ARHGAP29: variants seen among roughly 807,000 people sequenced by gnomAD.
ARHGAP29 encodes the protein rho GTPase-activating protein 29.
Under a neutral mutation model 122.6 loss-of-function variants are expected in ARHGAP29, and 43 were observed. The ratio of observed to expected loss-of-function variants is 0.35; its 90% CI spans 0.27 to 0.45. The LOEUF (loss-of-function observed/expected upper bound fraction) is 0.45, where lower values mean the gene tolerates loss of function less well. Among genes scored for constraint, ARHGAP29 ranks in the 20% least tolerant of loss-of-function variants. ARHGAP29 has a pLI of 1.00. For missense variants in ARHGAP29, 1,303 were observed against 1,477.2 expected (o/e 0.88, Z 1.93); for synonymous variants, 506 against 497.1 (o/e 1.02, Z -0.24).
the ARHGAP29 span, among the ~76,000 whole-genome samples, chr1:94,289,178 G>A: frequency 7.9e-5 from 12 of 152,270 alleles, no homozygotes; most frequent in African/African-American, 2.6e-4. Flanking sequence ...GCAGTGGTTT[G>A]TAGTTCTCCT....
At chr1:94,194,178 G>C (rs1333593069) in intron 12 of ARHGAP29, 4 of 152,066 alleles carry the variant, frequency 2.6e-5, no homozygotes, top group Admixed American at 2.0e-4. Flanking sequence ...AATTGTCCTA[G>C]TACATGTTTT....
chr1:94,179,372 G>A (rs918835993), intron 20 of ARHGAP29, among the ~76,000 whole-genome samples: 2 of 152,010 alleles, frequency 1.3e-5, no homozygotes, highest in African/African-American at 4.8e-5. Context: ...GAGGTGGGCG[G>A]ATCATGAGGT....
chr1:94,250,074 A>T (rs528179763), intron 1 of ARHGAP29, among the ~76,000 whole-genome samples: 40 of 151,928 alleles, frequency 2.6e-4, no homozygotes, highest in African/African-American at 8.9e-4. Context: ...GGTCACAAAA[A>T]CCTCATGTCT....
At chr1:94,301,377 A>T in the ARHGAP29 span, among the ~76,000 whole-genome samples, 7 of 152,130 alleles carry the variant, frequency 4.6e-5, no homozygotes, top group Admixed American at 3.9e-4. Flanking sequence ...ACGTGTCTAG[A>T]TCCAGCGGCT....
intron 2 of ARHGAP29, among the ~76,000 whole-genome samples, chr1:94,225,576 T>TA (rs1384344913): frequency 2.0e-5 from 3 of 152,018 alleles, no homozygotes; most frequent in Non-Finnish European, 4.4e-5. Context: ...ACATTACATT[T>TA]AAGTTTCAAT....
At chr1:94,180,483 G>A (rs1224088443) in intron 19 of ARHGAP29, among the ~76,000 whole-genome samples, 1 of 152,006 alleles carries the variant, frequency 6.6e-6, no homozygotes, top group African/African-American at 2.4e-5. Flanking sequence ...ACTAACAAAG[G>A]GCATGCCATT....
chr1:94,190,809 G>A (rs971086907), intron 12 of ARHGAP29: 2 of 152,094 alleles, frequency 1.3e-5, no homozygotes, highest in East Asian at 1.9e-4. Flanking sequence ...AGGGTGGTAC[G>A]CGAGAGAAGT....
chr1:94,225,652 T>A (rs774193918), intron 2 of ARHGAP29, among the ~76,000 whole-genome samples: 1 of 152,092 alleles, frequency 6.6e-6, no homozygotes, highest in Non-Finnish European at 1.5e-5. Flanking sequence ...TCAGGATATG[T>A]TTTATTAAAA....
intron 1 of ARHGAP29, among the ~76,000 whole-genome samples, chr1:94,273,544 A>T (rs897572061): frequency 6.6e-6 from 1 of 152,340 alleles, no homozygotes; most frequent in African/African-American, 2.4e-5. Flanking sequence ...ATTTAATAGA[A>T]CTGCTGTGGC....
At chr1:94,266,628 G>A (rs944686307) in intron 1 of ARHGAP29, among the ~76,000 whole-genome samples, 28 of 152,074 alleles carry the variant, frequency 1.8e-4, no homozygotes, top group African/African-American at 6.8e-4. Context: ...AGAGAGGCTG[G>A]GAGAACCAAC....
chr1:94,286,689 G>A, the ARHGAP29 span, among the ~76,000 whole-genome samples: 1 of 151,948 alleles, frequency 6.6e-6, no homozygotes, highest in African/African-American at 2.4e-5. Context: ...AATTTTAAAA[G>A]TGAGGTCAGA....
intron 2 of ARHGAP29, among the ~76,000 whole-genome samples, chr1:94,230,160 C>A (rs894226984): frequency 6.6e-6 from 1 of 151,386 alleles, no homozygotes; most frequent in Non-Finnish European, 1.5e-5. Flanking sequence ...AAAAATTAAC[C>A]TAGTTAAGAA....
the ARHGAP29 span, among the ~76,000 whole-genome samples, chr1:94,292,324 T>C: frequency 1.3e-5 from 2 of 152,222 alleles, no homozygotes; most frequent in African/African-American, 4.8e-5. Flanking sequence ...AGCTCTTCTC[T>C]GCACTGGTTA....
intron 18 of ARHGAP29, among the ~76,000 whole-genome samples, chr1:94,184,631 G>C (rs1649680416): frequency 6.6e-6 from 1 of 151,724 alleles, no homozygotes. Flanking sequence ...GCGCGTGCCT[G>C]TGGTCCCAGC....
chr1:94,188,893 T>A lies in ARHGAP29; in HGVS notation c.1625A>T (p.Glu542Val). The A allele has an allele frequency of 6.2e-7, 1 of 1,613,216 alleles. No homozygotes were observed. The highest frequency in any genetic ancestry group is 8.5e-7 in the Non-Finnish European group (1 of 1,179,356). ...AGATTCGCTGCTCCCTCCAGTGCTC[T>A]CAGAATCACTAAACATCCCAAATGT... ...SWTFGMFSDSESTGGSSESRS... is the reference protein window; with the variant it reads ...SWTFGMFSDSVSTGGSSESRS... The change falls in exon 15 of 23, where the codon GAG becomes GTG. Residue 542 changes from glutamate (E) to valine (V), a missense_variant. This residue lies in a region of ARHGAP29 where 592 missense variants were observed against 648.2 expected (regional missense o/e 0.91). Coordinates refer to ENST00000260526, the MANE Select transcript of ARHGAP29 (RefSeq NM_004815.4).
Position 94,173,187 on chromosome 1 carries a change from T to C in ARHGAP29, c.*682A>G, listed in dbSNP as rs1648855907. ...AAGCCAAATATAATATAACTGAATA[T>C]ATAATTTAGAAACAGGTTTAAGTGC... On this transcript the variant is annotated 3_prime_UTR_variant, in exon 23 of 23. Transcript: ENST00000260526. The C allele has an allele frequency of 1.3e-5, 2 of 152,614 alleles. No homozygotes were observed. Among genetic ancestry groups the C allele is most frequent in the Admixed American group, 1.3e-4 (2 of 15,278 alleles). 9.5% of individuals were successfully genotyped at this position (152,614 alleles called of 1,614,324 possible). A position where few individuals can be genotyped will look rare whatever the true frequency, so the allele number is the denominator to read the frequency against.
At chr1:94,237,194 C>A (rs1399632406) in intron 1 of ARHGAP29, among the ~76,000 whole-genome samples, 1 of 152,212 alleles carries the variant, frequency 6.6e-6, no homozygotes, top group African/African-American at 2.4e-5. Flanking sequence ...TCCGCGCCTC[C>A]CTCGCCGGGC....
intron 5 of ARHGAP29, among the ~76,000 whole-genome samples, chr1:94,208,356 T>G (rs1212517964): frequency 2.6e-5 from 4 of 152,234 alleles, no homozygotes; most frequent in African/African-American, 9.7e-5. Context: ...TAATGTATTT[T>G]GTTTGCATTC....
intron 3 of ARHGAP29, among the ~76,000 whole-genome samples, chr1:94,219,402 C>CTA (rs1652147625): frequency 6.6e-6 from 1 of 152,238 alleles, no homozygotes; most frequent in African/African-American, 2.4e-5. Context: ...TTTCCATTAC[C>CTA]TATACATCAA....
Sources: allele counts gnomAD v4.1 joint callset (sites outside exome capture counted in the v4.1 genomes callset), GRCh38; gene constraint gnomAD v4.1.1; regional missense constraint gnomAD v4.1.1; transcripts MANE v1.5; gene names NCBI Gene and HGNC (gene_info 2026-07-23, HGNC 2026-07-21).